LHFPL4: variants seen among roughly 807,000 people sequenced by gnomAD.
The protein encoded by LHFPL4 is LHFPL tetraspan subfamily member 4 protein.
In LHFPL4, 6 loss-of-function variants were observed where a neutral mutation model predicts 20.0. That is an observed-to-expected ratio of 0.30 (90% CI 0.16 to 0.59). The LOEUF is 0.59. LHFPL4 is among the 20% of genes least tolerant of loss of function. The pLI, the probability that LHFPL4 is intolerant of heterozygous loss-of-function variation, is 0.88. For missense variants in LHFPL4, 215 were observed against 331.2 expected, an observed-to-expected ratio of 0.65 and a Z score of 2.72; for synonymous variants, 129 against 143.8, an observed-to-expected ratio of 0.90 and a Z score of 0.74.
intron 2 of LHFPL4, among the ~76,000 whole-genome samples, chr3:9,521,232 C>CTTTT (rs34985785): frequency 3.6e-5 from 5 of 139,390 alleles, no homozygotes; most frequent in Admixed American, 7.3e-5. Flanking sequence ...TCTTCTTCTT[C>CTTTT]TTTTTTTTTT....
At position 9,502,090 on chromosome 3, in the gene LHFPL4, TAGTCGGTGAGAAGTA is replaced by T. The variant is rs1422335525; in HGVS notation, c.*106_*120del. 1.4e-6 allele frequency: 1 copy of T among 729,720 alleles called. No individual in the cohort carries two copies. Among genetic ancestry groups the T allele is most frequent in the African/African-American group, 1.7e-5 (1 of 57,382 alleles). 45.2% of individuals were successfully genotyped at this position (729,720 alleles called of 1,614,324 possible). A position where few individuals can be genotyped will look rare whatever the true frequency, so the allele number is the denominator to read the frequency against. On this transcript the variant is annotated 3_prime_UTR_variant, in exon 4 of 4. Transcript: ENST00000287585. ...TCCTCAAAGCCTGGAGCTTGCAGGG[TAGTCGGTGAGAAGTA>T]AGTCTGAGATCAGGGTCTTCCCTCA...
At chr3:9,541,218 A>G (rs2046474247) in intron 2 of LHFPL4, among the ~76,000 whole-genome samples, 2 of 152,200 alleles carry the variant, frequency 1.3e-5, no homozygotes, top group African/African-American at 4.8e-5. Flanking sequence ...CTGGGGTTAC[A>G]GGCGTGAGCC....
At chr3:9,514,886 T>C (rs1206993956) in intron 2 of LHFPL4, among the ~76,000 whole-genome samples, 1 of 152,242 alleles carries the variant, frequency 6.6e-6, no homozygotes, top group East Asian at 1.9e-4. Context: ...TGCCATAGTT[T>C]ATTTATACAT....
At chr3:9,521,261 G>T (rs2046335772) in intron 2 of LHFPL4, among the ~76,000 whole-genome samples, 2 of 133,608 alleles carry the variant, frequency 1.5e-5, no homozygotes, top group Non-Finnish European at 1.6e-5. Context: ...GTGTGGCTCT[G>T]TTGCCCAGGC....
Position 9,506,090 on chromosome 3 carries a change from G to A in LHFPL4, c.520C>T (p.Arg174Cys). ...GKYSLGDCSV[R>C]WAYILAIIGI... ...ATGATGGCCAGGATGTATGCCCAGC[G>A]CACTGAACAGTCCCCCAGGGAGTAC... The change falls in exon 3 of 4, where the codon CGC (arginine) becomes TGC (cysteine). Residue 174 changes from arginine to cysteine, a missense_variant. Physicochemically the swap from Arg to Cys is radical, Grantham distance 180 (BLOSUM62 -3). Around this residue, in one of 2 missense-constraint regions of LHFPL4, gnomAD observed 164 missense variants for 286.7 expected, o/e 0.57. Coordinates refer to ENST00000287585, the MANE Select transcript of LHFPL4 (RefSeq NM_198560.3). The surrounding 1 kb of genome is among the most constrained non-coding windows in gnomAD (Gnocchi z 4.5). The A allele has an allele frequency of 6.2e-7, 1 of 1,614,124 alleles. No homozygotes were observed. The highest frequency in any genetic ancestry group is 8.5e-7 in the Non-Finnish European group (1 of 1,180,022).
At position 9,506,524 on chromosome 3, in the gene LHFPL4, T is replaced by C. The variant is rs1296618557; in HGVS notation, c.407-321A>G. 6.6e-6 allele frequency among the ~76,000 whole-genome samples: 1 copy of C among 152,196 alleles called. No individual in the cohort carries two copies. Among genetic ancestry groups the C allele is most frequent in the Non-Finnish European group, 1.5e-5 (1 of 68,038 alleles). On this transcript the variant is annotated intron_variant, in intron 2 of 3. Transcript: ENST00000287585. This position sits in a 1 kb window ranked among gnomAD's most constrained non-coding sequence, Gnocchi z 4.5. ...CACAGCCACCTCCTTCAACTTCCTCTAGCATCGGGACCAACTCCCTCTCCC... is the reference window on the plus strand; with the variant it reads ...CACAGCCACCTCCTTCAACTTCCTCCAGCATCGGGACCAACTCCCTCTCCC...
intron 2 of LHFPL4, among the ~76,000 whole-genome samples, chr3:9,519,975 T>A (rs943001451): frequency 6.6e-6 from 1 of 152,158 alleles, no homozygotes; most frequent in African/African-American, 2.4e-5. Flanking sequence ...ATTATTTATT[T>A]TCTTCTGTTT....
In LHFPL4 at chr3:9,543,661, C is replaced by T. The variant is rs564392834; in HGVS notation, c.406+8613G>A. Among the ~76,000 whole-genome samples the T allele has an allele frequency of 4.6e-5, 7 of 151,126 alleles. No individual in the cohort carries two copies. The South Asian group carries it at 1.5e-3, about 32-fold the overall frequency. Reference sequence around the variant, plus strand: ...CCAAAGTACTCTGACTTTATAGAAACAAATATCATAAATGCTTGTTGACTC... The same window carrying T: ...CCAAAGTACTCTGACTTTATAGAAATAAATATCATAAATGCTTGTTGACTC... On this transcript the variant is annotated intron_variant, in intron 2 of 3. Transcript: ENST00000287585.
intron 2 of LHFPL4, among the ~76,000 whole-genome samples, chr3:9,515,180 A>T (rs2046290907): frequency 6.6e-6 from 1 of 152,150 alleles, no homozygotes; most frequent in Admixed American, 6.5e-5. Context: ...AGTGTTCTGG[A>T]TGTTGGCCAT....
chr3:9,543,112 C>G (rs2046488112), intron 2 of LHFPL4, among the ~76,000 whole-genome samples: 1 of 152,042 alleles, frequency 6.6e-6, no homozygotes, highest in African/African-American at 2.4e-5. Flanking sequence ...ACAACTGATA[C>G]CACAAAAAGG....
intron 2 of LHFPL4, among the ~76,000 whole-genome samples, chr3:9,551,818 C>A (rs1008172): frequency 0.018 from 2,809 of 152,236 alleles, 96 homozygotes; most frequent in African/African-American, 0.064. Context: ...GGAAACCGAG[C>A]CTCAGAGAAG....
intron 2 of LHFPL4, among the ~76,000 whole-genome samples, chr3:9,523,072 A>AAG (rs1553647479): frequency 0.43 from 30,158 of 70,716 alleles, 5,648 homozygotes; most frequent in Non-Finnish European, 0.5. Context: ...AGAAAGAAAG[A>AAG]AAAGGAAGAA....
At position 9,502,284 on chromosome 3, in the gene LHFPL4, A is replaced by G. The variant is rs779769443; in HGVS notation, c.671T>C (p.Val224Ala). The G allele has an allele frequency of 6.2e-7, 1 of 1,613,722 alleles. No individual in the cohort carries two copies. Among genetic ancestry groups the G allele is most frequent in the South Asian group, 1.1e-5 (1 of 91,062 alleles). ...KDFVGSTVSS[V>A]LRPGGDVSGW... ...AGAGACATCACCCCCGGGCCGCAAC[A>G]CGGAGCTTACTGTAGAGCCCACAAA... The change falls in exon 4 of 4, where the codon GTG (valine) becomes GCG (alanine). Residue 224 changes from valine (V) to alanine (A), a missense_variant. Coordinates refer to ENST00000287585, the MANE Select transcript of LHFPL4 (RefSeq NM_198560.3).
In LHFPL4 at chr3:9,533,783, A is replaced by G. The variant is rs181370353; in HGVS notation, c.406+18491T>C. On this transcript the variant is annotated intron_variant, in intron 2 of 3. Coordinates refer to ENST00000287585, the MANE Select transcript of LHFPL4 (RefSeq NM_198560.3). ...GGCAACAGAGCAAGACTCTGTCTCA[A>G]AAAAAAATAAAGTCAGGATTACCTT... Among the ~76,000 whole-genome samples the G allele has an allele frequency of 1.3e-4, 19 of 151,880 alleles. No individual in the cohort carries two copies. In the East Asian group the frequency reaches 3.5e-3, roughly 28 times the overall value.
At chr3:9,505,760 T>C (rs754885979) in intron 3 of LHFPL4, among the ~76,000 whole-genome samples, 3 of 151,692 alleles carry the variant, frequency 2.0e-5, no homozygotes, top group Non-Finnish European at 4.4e-5. Context: ...GATTTCACCA[T>C]GTTGACCAGG....
intron 3 of LHFPL4, among the ~76,000 whole-genome samples, chr3:9,504,108 T>C (rs533248733): frequency 2.9e-4 from 44 of 152,222 alleles, no homozygotes; most frequent in South Asian, 8.3e-4. Context: ...TGCTGGCTCA[T>C]GCCTGTAATC....
At chr3:9,545,459 A>T (rs578064695) in intron 2 of LHFPL4, among the ~76,000 whole-genome samples, 2 of 152,224 alleles carry the variant, frequency 1.3e-5, no homozygotes, top group African/African-American at 4.8e-5. Flanking sequence ...TGGGAGGATC[A>T]CTTAAGGCCA....
In LHFPL4 at chr3:9,510,937, C is replaced by T. The variant is rs1022532284; in HGVS notation, c.407-4734G>A. 5.3e-5 allele frequency among the ~76,000 whole-genome samples: 7 copies of T among 132,786 alleles called. No homozygotes were observed. In the East Asian group the frequency reaches 1.5e-3, roughly 28 times the overall value. The allele number at this position is 132,786 out of a possible 152,430, so 87.1% of individuals were successfully genotyped here. On this transcript the variant is annotated intron_variant, in intron 2 of 3. Coordinates refer to ENST00000287585, the MANE Select transcript of LHFPL4 (RefSeq NM_198560.3). ...TGGGTGACAGAGCAAGACTCCATCTCAAAAATAAATAAATAAATAAATAAA... is the reference window on the plus strand; with the variant it reads ...TGGGTGACAGAGCAAGACTCCATCTTAAAAATAAATAAATAAATAAATAAA...
intron 2 of LHFPL4, among the ~76,000 whole-genome samples, chr3:9,549,553 C>T (rs1335257705): frequency 6.6e-6 from 1 of 152,096 alleles, no homozygotes; most frequent in Non-Finnish European, 1.5e-5. Context: ...AAAAATTAGC[C>T]AGGCGTTGTG....
Sources: gnomAD v4.1 joint callset for allele counts (sites outside exome capture counted in the v4.1 genomes callset) on GRCh38, gnomAD v4.1.1 for gene constraint, gnomAD v4.1.1 regional missense constraint, Gnocchi (gnomAD v3.1) non-coding constraint, MANE v1.5 for transcripts, NCBI Gene and HGNC (gene_info 2026-07-23, HGNC 2026-07-21) for gene names.